HDAC9: variants seen among roughly 807,000 people sequenced by gnomAD.
The protein encoded by HDAC9 is MEF-2 interacting transcription repressor (MITR) protein.
In HDAC9, 41 loss-of-function variants were observed where a neutral mutation model predicts 139.4. The observed-to-expected ratio is 0.29, with a 90% CI of 0.23 to 0.38. The LOEUF is 0.38. Among genes scored for constraint, HDAC9 ranks in the 10% least tolerant of loss-of-function variants. The pLI, the probability that HDAC9 is intolerant of heterozygous loss-of-function variation, is 1.00. For synonymous variants in HDAC9, 517 were observed against 476.2 expected, an observed-to-expected ratio of 1.09 and a Z score of -1.12; for missense variants, 1,147 against 1,297.0, an observed-to-expected ratio of 0.88 and a Z score of 1.78.
At chr7:18,802,650 A>T (rs191018455) in intron 17 of HDAC9, among the ~76,000 whole-genome samples, 3 of 151,876 alleles carry the variant, frequency 2.0e-5, no homozygotes, top group Admixed American at 1.3e-4. Context: ...TCTTTATGGA[A>T]CTGTTAATTT....
At chr7:18,238,508 G>T (rs572087582) in intron 2 of HDAC9, among the ~76,000 whole-genome samples, 1 of 152,256 alleles carries the variant, frequency 6.6e-6, no homozygotes, top group African/African-American at 2.4e-5. Context: ...AGAAGCTTTT[G>T]ATGACATGCC....
chr7:18,830,300 G>T (rs1389542219), intron 19 of HDAC9, among the ~76,000 whole-genome samples: 2 of 152,194 alleles, frequency 1.3e-5, no homozygotes, highest in East Asian at 3.8e-4. Context: ...CCCGTTTTCA[G>T]TTTGCCTCCA....
chr7:18,216,763 A>C (rs150164759), intron 2 of HDAC9, among the ~76,000 whole-genome samples: 1 of 152,096 alleles, frequency 6.6e-6, no homozygotes, highest in Non-Finnish European at 1.5e-5. Context: ...TTTTGCCTCT[A>C]TATTTGTGAT....
chr7:18,303,506 CA>C (rs971552786), intron 1 of HDAC9, among the ~76,000 whole-genome samples: 1 of 151,932 alleles, frequency 6.6e-6, no homozygotes, highest in African/African-American at 2.4e-5. Flanking sequence ...CTCGGGCTCC[CA>C]AAGTGCTGGG....
chr7:18,611,223 C>T (rs1837041284), intron 6 of HDAC9, among the ~76,000 whole-genome samples: 1 of 152,022 alleles, frequency 6.6e-6, no homozygotes, highest in South Asian at 2.1e-4. Context: ...TGTGTTTTTC[C>T]ATAGTAAAAC....
chr7:18,137,399 GC>G (rs1785506485), intron 1 of HDAC9, among the ~76,000 whole-genome samples: 1 of 150,844 alleles, frequency 6.6e-6, no homozygotes, highest in East Asian at 1.9e-4. Flanking sequence ...CAAAGGGAAT[GC>G]TTCCAGTTTT....
chr7:18,914,051 C>T (rs1802972251), intron 22 of HDAC9, among the ~76,000 whole-genome samples: 1 of 151,908 alleles, frequency 6.6e-6, no homozygotes, highest in African/African-American at 2.4e-5. Context: ...CTAATTAGGT[C>T]ATGAGGGTGG....
chr7:18,824,615 A>G (rs1795272496), intron 17 of HDAC9, among the ~76,000 whole-genome samples: 1 of 152,240 alleles, frequency 6.6e-6, no homozygotes, highest in South Asian at 2.1e-4. Flanking sequence ...TGACTGTAAA[A>G]AAAGACTAAT....
chr7:18,525,039 T>A (rs1334489765), intron 2 of HDAC9, among the ~76,000 whole-genome samples: 3 of 152,108 alleles, frequency 2.0e-5, no homozygotes, highest in Non-Finnish European at 4.4e-5. Flanking sequence ...TTAATAATAG[T>A]AATGGATTTA....
intron 16 of HDAC9, among the ~76,000 whole-genome samples, chr7:18,780,467 A>G (rs1052120937): frequency 6.6e-6 from 1 of 152,028 alleles, no homozygotes; most frequent in Admixed American, 6.6e-5. Context: ...GCATGACAAC[A>G]GAGATCCAGG....
intron 12 of HDAC9, among the ~76,000 whole-genome samples, chr7:18,701,416 C>CAA (rs546101451): frequency 1.5e-5 from 1 of 64,830 alleles, no homozygotes; most frequent in Non-Finnish European, 2.9e-5. Context: ...ACAAAACAAA[C>CAA]AAAAAAAAAA....
intron 2 of HDAC9, among the ~76,000 whole-genome samples, chr7:18,532,099 T>C (rs1442227651): frequency 6.6e-6 from 1 of 151,798 alleles, no homozygotes; most frequent in East Asian, 1.9e-4. Flanking sequence ...AAATACAAAA[T>C]ATTATCTGGG....
chr7:18,293,038 A>T (rs1797914625), intron 1 of HDAC9, among the ~76,000 whole-genome samples: 1 of 151,922 alleles, frequency 6.6e-6, no homozygotes. Flanking sequence ...TAAAATTTAG[A>T]GCTAAAAATG....
At chr7:18,125,952 T>C (rs1377734214) in intron 1 of HDAC9, among the ~76,000 whole-genome samples, 6 of 152,230 alleles carry the variant, frequency 3.9e-5, no homozygotes, top group Non-Finnish European at 5.9e-5. Context: ...CCTGAGTCTA[T>C]CTGGCTATCA....
intron 2 of HDAC9, among the ~76,000 whole-genome samples, chr7:18,265,043 A>G (rs1770745069): frequency 6.6e-6 from 1 of 152,178 alleles, no homozygotes; most frequent in Admixed American, 6.5e-5. Context: ...CTGTCATGGT[A>G]CATTGTTAAG....
intron 22 of HDAC9, among the ~76,000 whole-genome samples, chr7:18,911,581 A>G (rs1376871521): frequency 1.4e-5 from 2 of 147,206 alleles, no homozygotes; most frequent in Non-Finnish European, 3.0e-5. Context: ...TTGCTATTCT[A>G]GTTTTTTTTT....
intron 25 of HDAC9, among the ~76,000 whole-genome samples, chr7:18,993,266 C>G (rs767079408): frequency 6.6e-6 from 1 of 152,186 alleles, no homozygotes; most frequent in African/African-American, 2.4e-5. Flanking sequence ...TCACACTTCA[C>G]AGTGTATAAA....
rs1233613492 is a variant in HDAC9 at position 18,997,189 on chromosome 7, T to C, written c.*1127T>C. 1 of 152,082 alleles carries C rather than the reference T, an allele frequency of 6.6e-6. No individual in the cohort carries two copies. The highest frequency in any genetic ancestry group is 1.5e-5 in the Non-Finnish European group (1 of 68,010). The allele number at this position is 152,082 out of a possible 1,614,324, so 9.4% of individuals were successfully genotyped here. ...AACTGTGAAGCCGTTGAAATGAATA[T>C]CACTTAAGCAACGTTGCTAAATTTC... On this transcript the variant is annotated 3_prime_UTR_variant, in exon 26 of 26. Transcript: ENST00000686413.
chr7:18,962,354 G>T (rs1039998103), intron 24 of HDAC9, among the ~76,000 whole-genome samples: 2 of 152,082 alleles, frequency 1.3e-5, no homozygotes, highest in East Asian at 1.9e-4. Flanking sequence ...GGTCAGACTT[G>T]TACACATGGC....
Sources: allele counts gnomAD v4.1 joint callset (sites outside exome capture counted in the v4.1 genomes callset), GRCh38; gene constraint gnomAD v4.1.1; transcripts MANE v1.5; gene names NCBI Gene and HGNC (gene_info 2026-07-23, HGNC 2026-07-21).